GAS7: variants seen among roughly 807,000 people sequenced by gnomAD.
GAS7 encodes the protein growth arrest specific 7, also known as growth arrest-specific protein 7.
In GAS7, 28 loss-of-function variants were observed where a neutral mutation model predicts 71.1. The observed-to-expected ratio is 0.39, with a 90% confidence interval of 0.29 to 0.54. GAS7 has a LOEUF of 0.54. GAS7 is among the 20% of genes least tolerant of loss of function. GAS7 has a pLI of 0.62. For synonymous variants in GAS7, 258 were observed against 245.8 expected (o/e 1.05, Z -0.46); for missense variants, 436 against 627.8 (o/e 0.69, Z 3.27).
intron 2 of GAS7, among the ~76,000 whole-genome samples, chr17:9,988,828 T>A (rs1009802013): frequency 1.3e-5 from 2 of 150,434 alleles, no homozygotes; most frequent in East Asian, 3.9e-4. Context: ...AAAACACCTA[T>A]GAGATAGGTG....
chr17:10,040,787 G>T (rs374700883), intron 1 of GAS7, among the ~76,000 whole-genome samples: 1 of 152,130 alleles, frequency 6.6e-6, no homozygotes, highest in Non-Finnish European at 1.5e-5. Flanking sequence ...CCACACACTC[G>T]CTTTTGAGGT....
chr17:10,165,081 G>A (rs1375841666), intron 1 of GAS7, among the ~76,000 whole-genome samples: 3 of 149,616 alleles, frequency 2.0e-5, no homozygotes, highest in Non-Finnish European at 3.0e-5. Flanking sequence ...TCAGGAGATC[G>A]AGATCATCCT....
intron 2 of GAS7, among the ~76,000 whole-genome samples, chr17:10,004,611 C>T (rs114190120): frequency 6.6e-6 from 1 of 152,184 alleles, no homozygotes; most frequent in Non-Finnish European, 1.5e-5. Flanking sequence ...AGATCCCTCT[C>T]GAAACTGGTG....
rs988510886 is a variant in GAS7, at chr17:10,112,054, G to A, written c.183+86154C>T. 3.3e-5 allele frequency among the ~76,000 whole-genome samples: 5 copies of A among 152,312 alleles called. No individual in the cohort carries two copies. The South Asian group carries it at 6.2e-4, about 19-fold the overall frequency. ...CATGTTAGTGGCTACCGTACTGGGC[G>A]TCACAAAAGTAGAACATTGCCATCC... On this transcript the variant is annotated intron_variant, in intron 1 of 13. Coordinates refer to ENST00000432992, the MANE Select transcript of GAS7 (RefSeq NM_201433.2).
At chr17:10,159,769 T>C (rs906597645) in intron 1 of GAS7, among the ~76,000 whole-genome samples, 9 of 149,006 alleles carry the variant, frequency 6.0e-5, no homozygotes, top group Non-Finnish European at 5.9e-5. Flanking sequence ...CATCAAACTA[T>C]ACACATGAAG....
At chr17:10,010,885 T>C (rs1187647379) in intron 2 of GAS7, among the ~76,000 whole-genome samples, 1 of 152,214 alleles carries the variant, frequency 6.6e-6, no homozygotes, top group Non-Finnish European at 1.5e-5. Context: ...TACTCAGCTC[T>C]ACAATCTCCG....
chr17:9,972,696 C>T (rs1158162881), intron 3 of GAS7, among the ~76,000 whole-genome samples: 1 of 152,172 alleles, frequency 6.6e-6, no homozygotes, highest in Non-Finnish European at 1.5e-5. Context: ...ATAAAAAACA[C>T]AGGCCACATT....
At chr17:9,954,713 G>A (rs1203700919) in intron 5 of GAS7, among the ~76,000 whole-genome samples, 1 of 152,112 alleles carries the variant, frequency 6.6e-6, no homozygotes, top group Non-Finnish European at 1.5e-5. Context: ...GTTGGTAGGG[G>A]CCAGGGAAGG....
At chr17:9,953,950 C>T (rs551195504) in intron 5 of GAS7, among the ~76,000 whole-genome samples, 22 of 152,240 alleles carry the variant, frequency 1.4e-4, no homozygotes, top group Admixed American at 3.9e-4. Flanking sequence ...TCAACAGTTC[C>T]GTAAATAAGT....
chr17:10,174,677 G>A (rs2074359876), intron 1 of GAS7, among the ~76,000 whole-genome samples: 1 of 151,894 alleles, frequency 6.6e-6, no homozygotes, highest in African/African-American at 2.4e-5. Context: ...GGGCGGCAGA[G>A]CGAGACTCCG....
intron 1 of GAS7, among the ~76,000 whole-genome samples, chr17:10,146,690 C>T (rs755480446): frequency 6.6e-5 from 10 of 152,108 alleles, no homozygotes; most frequent in Admixed American, 1.3e-4. Context: ...GGGTTAACAG[C>T]GTAAAGATCT....
chr17:10,035,515 T>A (rs544406562), intron 1 of GAS7, among the ~76,000 whole-genome samples: 2 of 152,166 alleles, frequency 1.3e-5, no homozygotes, highest in Non-Finnish European at 2.9e-5. Context: ...TCCCTTCCCC[T>A]GGCACTGTGG....
At chr17:10,167,354 G>A (rs892995163) in intron 1 of GAS7, among the ~76,000 whole-genome samples, 1 of 151,812 alleles carries the variant, frequency 6.6e-6, no homozygotes, top group Non-Finnish European at 1.5e-5. Context: ...CCCAGCCTCC[G>A]CTTGTCTATT....
At chr17:9,986,228 A>C (rs1194493151) in intron 2 of GAS7, among the ~76,000 whole-genome samples, 1 of 152,190 alleles carries the variant, frequency 6.6e-6, no homozygotes, top group Non-Finnish European at 1.5e-5. Flanking sequence ...AAGGTCCCAG[A>C]AAACTTTCCC....
chr17:10,057,434 T>C (rs1342100877), intron 1 of GAS7, among the ~76,000 whole-genome samples: 1 of 151,558 alleles, frequency 6.6e-6, no homozygotes, highest in Non-Finnish European at 1.5e-5. Context: ...GGAGCGCCTC[T>C]GCCGGGCCGC....
intron 1 of GAS7, among the ~76,000 whole-genome samples, chr17:10,061,029 A>T (rs960112389): frequency 2.0e-5 from 3 of 152,184 alleles, no homozygotes; most frequent in African/African-American, 7.2e-5. Flanking sequence ...AGGGCTAGAG[A>T]GTGGCCTTGG....
intron 2 of GAS7, among the ~76,000 whole-genome samples, chr17:9,997,834 C>T (rs571470380): frequency 2.2e-4 from 33 of 152,352 alleles, no homozygotes; most frequent in African/African-American, 7.9e-4. Context: ...ACTTATTACA[C>T]AGGCTATGAC....
intron 1 of GAS7, among the ~76,000 whole-genome samples, chr17:10,033,904 G>A (rs962982444): frequency 3.3e-5 from 5 of 152,224 alleles, no homozygotes; most frequent in Non-Finnish European, 2.9e-5. Context: ...TTCTGACTCC[G>A]AGAGATGGTT....
chr17:10,102,222 AAAAAAAAAAG>A (rs2073708824), intron 1 of GAS7, among the ~76,000 whole-genome samples: 1 of 151,258 alleles, frequency 6.6e-6, no homozygotes, highest in Admixed American at 6.6e-5. Context: ...AAAAAAAAAA[AAAAAAAAAAG>A]AATCTTCCCC....
Sources: gnomAD v4.1 joint callset for allele counts (sites outside exome capture counted in the v4.1 genomes callset) on GRCh38, gnomAD v4.1.1 for gene constraint, MANE v1.5 for transcripts, NCBI Gene and HGNC (gene_info 2026-07-23, HGNC 2026-07-21) for gene names.